The following TMPRSS9 variants were observed in gnomAD, a reference collection of about 807,000 sequenced individuals.
TMPRSS9 encodes transmembrane protease serine 9.
Under a neutral mutation model 111.4 loss-of-function variants are expected in TMPRSS9, and 113 were observed. The observed-to-expected ratio is 1.01, with a 90% CI of 0.87 to 1.19. The LOEUF (loss-of-function observed/expected upper bound fraction) is 1.19, where lower values mean the gene tolerates loss of function less well. Ranked by LOEUF, TMPRSS9 falls within the 50% of genes most tolerant of loss-of-function variation. The probability of loss-of-function intolerance (pLI) is 0.00; values close to 1 mark genes in which losing one functional copy is unlikely to be tolerated. For missense variants in TMPRSS9, 1,803 were observed against 1,513.1 expected (o/e 1.19, Z -3.18); for synonymous variants, 805 against 659.1 (o/e 1.22, Z -3.39).
intron 1 of TMPRSS9, among the ~76,000 whole-genome samples, chr19:2,394,183 CAG>C (rs1568176994): frequency 1.3e-5 from 2 of 151,280 alleles, no homozygotes; most frequent in Admixed American, 6.6e-5. Context: ...AGCCTGGCAA[CAG>C]AGTGTGAGAC....
At chr19:2,362,891 TG>T (rs1277334198) in intron 1 of TMPRSS9, among the ~76,000 whole-genome samples, 1 of 151,570 alleles carries the variant, frequency 6.6e-6, no homozygotes, top group African/African-American at 2.4e-5. Flanking sequence ...TGGTTGTGTT[TG>T]GTTGTGTGAG....
intron 1 of TMPRSS9, among the ~76,000 whole-genome samples, chr19:2,362,683 AGTT>A (rs1331116120): frequency 1.1e-4 from 16 of 151,870 alleles, no homozygotes; most frequent in Non-Finnish European, 2.1e-4. Context: ...ATATGTGTGA[AGTT>A]GTGTTTAGCT....
chr19:2,396,783 A>T (rs901835470), intron 2 of TMPRSS9, 117 bp downstream of exon 3: 1 of 1,401,890 alleles, frequency 7.1e-7, no homozygotes, highest in African/African-American at 1.4e-5. Context: ...GCTGAGGTGG[A>T]GGCTGTGAGA....
intron 13 of TMPRSS9, among the ~76,000 whole-genome samples, chr19:2,419,712 T>A (rs1181070014): frequency 6.6e-6 from 1 of 152,080 alleles, no homozygotes; most frequent in Non-Finnish European, 1.5e-5. Flanking sequence ...AGACGTGGTT[T>A]CACCATGTTG....
At chr19:2,364,097 G>A (rs1213712547) in intron 1 of TMPRSS9, among the ~76,000 whole-genome samples, 2 of 152,014 alleles carry the variant, frequency 1.3e-5, no homozygotes, top group African/African-American at 2.4e-5. Flanking sequence ...TGGGAGGATC[G>A]CTTGAGCCCG....
exon 18 of TMPRSS9, chr19:2,425,945 C>G: frequency 6.2e-7 from 1 of 1,600,478 alleles, no homozygotes. Context: ...TGGGGGACCC[C>G]TGGCCTGCAG....
At chr19:2,417,327 G>C (rs1018621910) in intron 12 of TMPRSS9, among the ~76,000 whole-genome samples, 2 of 152,046 alleles carry the variant, frequency 1.3e-5, no homozygotes, top group African/African-American at 4.8e-5. Context: ...TTAGCCGGGT[G>C]TGGTGATGCA....
exon 8 of TMPRSS9, chr19:2,408,583 G>C (rs1268948901): frequency 6.2e-7 from 1 of 1,613,300 alleles, no homozygotes; most frequent in Non-Finnish European, 8.5e-7. Flanking sequence ...TTCCCACCCA[G>C]CAAGAAGTGC....
chr19:2,405,407 G>A (rs1265729736), exon 7 of TMPRSS9: 2 of 1,605,454 alleles, frequency 1.2e-6, no homozygotes, highest in Non-Finnish European at 1.7e-6. Context: ...AGGATGGCCG[G>A]CAGGATCGTG....
chr19:2,362,101 ATGTG>A, intron 1 of TMPRSS9, among the ~76,000 whole-genome samples: 1 of 151,730 alleles, frequency 6.6e-6, no homozygotes, highest in East Asian at 1.9e-4. Context: ...TGTGTATTAT[ATGTG>A]TGTGTGGGGT....
rs545498860 is a variant in TMPRSS9 at position 2,421,744 on chromosome 19, C to A, written c.2155-110C>A. 273 of 1,263,664 alleles carry A rather than the reference C, an allele frequency of 2.2e-4. 1 individual carries two copies. The African/African-American group carries it at 3.8e-3, about 18-fold the overall frequency. 78.3% of individuals were successfully genotyped at this position (1,263,664 alleles called of 1,614,324 possible). A position where few individuals can be genotyped will look rare whatever the true frequency, so the allele number is the denominator to read the frequency against. ...CTCCAGACCCGCGCTGTGCCCTCTG[C>A]CCCCCGCCCTCGATGGCTCCCACCC... is the stretch of plus-strand genomic sequence containing the variant. On this transcript the variant is annotated intron_variant, in intron 13 of 17. Coordinates refer to ENST00000648592, the Ensembl canonical transcript of TMPRSS9.
intron 9 of TMPRSS9, among the ~76,000 whole-genome samples, chr19:2,410,637 A>G (rs957921608): frequency 4.6e-5 from 7 of 152,078 alleles, no homozygotes; most frequent in African/African-American, 7.2e-5. Flanking sequence ...GATCTTCCAG[A>G]AGCTCTAACC....
At chr19:2,393,333 A>T (rs1970638795) in intron 1 of TMPRSS9, among the ~76,000 whole-genome samples, 1 of 152,228 alleles carries the variant, frequency 6.6e-6, no homozygotes, top group South Asian at 2.1e-4. Flanking sequence ...AGGAATGAAC[A>T]ACTCCAGACA....
intron 5 of TMPRSS9, among the ~76,000 whole-genome samples, chr19:2,402,609 G>A (rs866603702): frequency 1.3e-5 from 2 of 151,702 alleles, no homozygotes; most frequent in South Asian, 2.1e-4. Context: ...GTGGTGGGGC[G>A]TGCCTGTAAT....
exon 4 of TMPRSS9, chr19:2,399,019 G>A: frequency 6.2e-7 from 1 of 1,610,378 alleles, no homozygotes; most frequent in Non-Finnish European, 8.5e-7. Flanking sequence ...TACCTGTAGG[G>A]ATGGGAACTC....
intron 9 of TMPRSS9, among the ~76,000 whole-genome samples, chr19:2,411,497 A>C (rs1324092586): frequency 6.7e-6 from 1 of 148,234 alleles, no homozygotes; most frequent in Non-Finnish European, 1.5e-5. Context: ...TCCCAGGTTC[A>C]AGCGAGTCTC....
intron 9 of TMPRSS9, among the ~76,000 whole-genome samples, chr19:2,411,871 T>C (rs1971103412): frequency 6.6e-6 from 1 of 152,166 alleles, no homozygotes; most frequent in African/African-American, 2.4e-5. Flanking sequence ...AATTTTTGTT[T>C]TCAAGGTGTC....
chr19:2,389,857 G>A (rs778180706), exon 1 of TMPRSS9: 77 of 1,613,920 alleles, frequency 4.8e-5, no homozygotes, highest in South Asian at 1.1e-4. Context: ...TGGATGCCGC[G>A]TGCTGTCGAG....
rs532264652 is a variant in TMPRSS9, at chr19:2,395,925, A to G, written c.143-614A>G. On this transcript the variant is annotated intron_variant, in intron 1 of 17. Coordinates refer to ENST00000648592, the Ensembl canonical transcript of TMPRSS9. ...CGGGAGGCTGAGGCAGGAGAATGGCATGAACCCGGGAGGCGCAGCTTGCAG... is the reference window on the plus strand; with the variant it reads ...CGGGAGGCTGAGGCAGGAGAATGGCGTGAACCCGGGAGGCGCAGCTTGCAG... Among the ~76,000 whole-genome samples, 65 of 150,404 alleles carry G rather than the reference A, an allele frequency of 4.3e-4. 2 individuals carry two copies. The highest frequency in any genetic ancestry group is 1.7e-3 in the South Asian group (8 of 4,722).
Sources: gnomAD v4.1 joint callset for allele counts (sites outside exome capture counted in the v4.1 genomes callset) on GRCh38, gnomAD v4.1.1 for gene constraint, MANE v1.5 for transcripts, NCBI Gene and HGNC (gene_info 2026-07-23, HGNC 2026-07-21) for gene names.